NLRC5: variants seen among roughly 807,000 people sequenced by gnomAD.
The protein encoded by NLRC5 is protein NLRC5.
A neutral mutation model predicts 206.9 loss-of-function variants in NLRC5; 114 were observed. The ratio of observed to expected loss-of-function variants is 0.55; its 90% confidence interval spans 0.47 to 0.64. The LOEUF is 0.64. Ranked by LOEUF, NLRC5 falls within the 30% of genes least tolerant of loss-of-function variation. The probability of loss-of-function intolerance (pLI) is 0.00; values close to 1 mark genes in which losing one functional copy is unlikely to be tolerated. For missense variants in NLRC5, 2,008 were observed against 2,305.5 expected, an observed-to-expected ratio of 0.87 and a Z score of 2.64; for synonymous variants, 952 against 962.8, an observed-to-expected ratio of 0.99 and a Z score of 0.21.
rs1296615415 is a variant in NLRC5 at position 57,037,210 on chromosome 16, G to A, written c.2727G>A (p.Gly909=). 2 of 1,613,754 alleles carry A rather than the reference G, an allele frequency of 1.2e-6. No homozygotes were observed. The highest frequency in any genetic ancestry group is 3.3e-5 in the Admixed American group (2 of 60,018). The stretch of plus-strand genomic sequence containing the variant: ...CTCTCCACAGCCTCAGTAACAACGG[G>A]CTTTCTGTGGCCGGGGTGCATTGTG... ...IARKLDLSNN[G]LSVAGVHCVL... The change falls in exon 15 of 49, where the codon GGG becomes GGA. Residue 909 remains glycine, a synonymous_variant. Transcript: ENST00000688547.
chr16:57,006,304 T>C (rs2058892702), intron 1 of NLRC5, among the ~76,000 whole-genome samples: 1 of 151,980 alleles, frequency 6.6e-6, no homozygotes, highest in Non-Finnish European at 1.5e-5. Flanking sequence ...TATTTTTTCT[T>C]TACACAAAGG....
rs368949786 is a variant in NLRC5 at position 57,026,104 on chromosome 16, G to A, written c.1161G>A (p.Glu387=). ...TCTTCAGCGCCCAGCCATCGCGGGA[G>A]GGGGCCCTGGTGGAGTTACAGACAA... ...NHFFSAQPSR[E]GALVELQTNG... is the part of the protein sequence containing the mutation. Residue 387 remains glutamate, a synonymous_variant, in exon 6 of 49, where the codon GAG becomes GAA. Coordinates refer to ENST00000688547, the MANE Select transcript of NLRC5 (RefSeq NM_001384950.1). 2.1e-5 allele frequency: 34 copies of A among 1,614,128 alleles called. No individual in the cohort carries two copies. In the African/African-American group the frequency reaches 3.9e-4, roughly 18 times the overall value.
intron 35 of NLRC5, 115 bp downstream of exon 35, chr16:57,067,585 C>T: frequency 2.2e-6 from 3 of 1,371,678 alleles, no homozygotes; most frequent in Non-Finnish European, 3.1e-6. Context: ...GAAAATCACA[C>T]TTGGCCAGTG....
At chr16:57,068,270 A>G (rs1246391486) in intron 36 of NLRC5, among the ~76,000 whole-genome samples, 1 of 151,996 alleles carries the variant, frequency 6.6e-6, no homozygotes, top group Admixed American at 6.5e-5. Flanking sequence ...TCTCTACTAA[A>G]ATACAAAAAA....
In NLRC5 at chr16:57,060,065, C is replaced by G. The variant is rs118168009; in HGVS notation, c.3986+533C>G. Among the ~76,000 whole-genome samples, 479 of 147,058 alleles carry G rather than the reference C, an allele frequency of 3.3e-3. 1 individual carries two copies. The highest frequency in any genetic ancestry group is 0.016 in the South Asian group (75 of 4,726). ...TTATTATTATTATTATTATCATTAT[C>G]ATTACCCCTGGTAGCCCTGACTCAC... On this transcript the variant is annotated intron_variant, in intron 30 of 48. Transcript: ENST00000688547.
In NLRC5 at chr16:57,036,093, G is replaced by A. The variant is rs1205518967; in HGVS notation, c.2628-7G>A. On this transcript the variant is annotated splice_polypyrimidine_tract_variant and splice_region_variant and intron_variant, in intron 13 of 48. Transcript: ENST00000688547. Reference sequence around the variant, plus strand: ...CACAATACAGTGCATTGGGCCCCCCGTCTCAGCCTCTCAGGGAACCAGCTG... The same window carrying A: ...CACAATACAGTGCATTGGGCCCCCCATCTCAGCCTCTCAGGGAACCAGCTG... 12 of 1,492,484 alleles carry A rather than the reference G, an allele frequency of 8.0e-6. No homozygotes were observed. The highest frequency in any genetic ancestry group is 2.6e-5 in the African/African-American group (1 of 38,760). The allele number at this position is 1,492,484 out of a possible 1,614,324, so 92.5% of individuals were successfully genotyped here.
intron 1 of NLRC5, among the ~76,000 whole-genome samples, chr16:56,994,716 A>T (rs1360419637): frequency 2.6e-5 from 4 of 152,108 alleles, no homozygotes; most frequent in African/African-American, 9.7e-5. Context: ...AGAGGGAACC[A>T]GTCAGAGGGG....
chr16:57,005,519 GA>G (rs1567512932), intron 1 of NLRC5, among the ~76,000 whole-genome samples: 2 of 150,144 alleles, frequency 1.3e-5, no homozygotes, highest in Non-Finnish European at 3.0e-5. Context: ...AAAAGAGAAA[GA>G]AAAAAAGTGA....
chr16:57,070,006 G>A (rs1432464549), intron 37 of NLRC5, 87 bp downstream of exon 37: 2 of 1,061,910 alleles, frequency 1.9e-6, no homozygotes, highest in African/African-American at 3.1e-5. Flanking sequence ...GGGAGGGCAG[G>A]CAATGAGACT....
At chr16:57,023,931 T>A (rs979985410) in intron 5 of NLRC5, 78 bp downstream of exon 5, 12 of 1,333,982 alleles carry the variant, frequency 9.0e-6, no homozygotes, top group African/African-American at 1.5e-5. Flanking sequence ...CTGGACCTTG[T>A]CCCCTGCCAA....
At chr16:57,014,117 G>T in intron 1 of NLRC5, 1 of 187,534 alleles carries the variant, frequency 5.3e-6, no homozygotes, top group Non-Finnish European at 1.1e-5. Flanking sequence ...TCCACATGGC[G>T]AGGGAGGCCT....
At chr16:57,073,018 T>C (rs1332958043) in intron 38 of NLRC5, among the ~76,000 whole-genome samples, 3 of 152,176 alleles carry the variant, frequency 2.0e-5, no homozygotes, top group Non-Finnish European at 4.4e-5. Flanking sequence ...CCACTGTCCA[T>C]GTACCTGCAT....
chr16:57,072,978 TC>T (rs1187841712), intron 38 of NLRC5, among the ~76,000 whole-genome samples: 5 of 152,168 alleles, frequency 3.3e-5, no homozygotes, highest in African/African-American at 1.2e-4. Flanking sequence ...CACAGGGCCC[TC>T]CTGTCGTCTC....
intron 12 of NLRC5, 91 bp from the exon 13 acceptor site, chr16:57,034,077 G>C: frequency 9.6e-7 from 1 of 1,042,448 alleles, no homozygotes; most frequent in African/African-American, 1.6e-5. Flanking sequence ...AGGTCTGTGG[G>C]CCCCCTGACT....
At chr16:57,046,251 G>T (rs1263159890) in intron 21 of NLRC5, among the ~76,000 whole-genome samples, 2 of 152,224 alleles carry the variant, frequency 1.3e-5, no homozygotes, top group African/African-American at 2.4e-5. Flanking sequence ...GGTCAGAGAG[G>T]CTCTGTCTTG....
At chr16:57,069,659 C>T (rs1172385926) in intron 36 of NLRC5, 177 bp from the exon 37 acceptor site, 2 of 612,410 alleles carry the variant, frequency 3.3e-6, no homozygotes, top group African/African-American at 1.8e-5. Context: ...CTTCTGCTTC[C>T]AAGCTCTGTG....
intron 27 of NLRC5, among the ~76,000 whole-genome samples, chr16:57,057,063 T>C (rs2065771032): frequency 1.3e-5 from 2 of 152,204 alleles, no homozygotes; most frequent in South Asian, 4.1e-4. Flanking sequence ...ACATCAAAAA[T>C]GTCACAGACC....
intron 19 of NLRC5, among the ~76,000 whole-genome samples, chr16:57,042,811 A>G (rs1222999618): frequency 6.6e-6 from 1 of 152,184 alleles, no homozygotes; most frequent in Non-Finnish European, 1.5e-5. Flanking sequence ...GATCTCTGAA[A>G]TGAGTGCTGG....
At position 57,058,633 on chromosome 16, in the gene NLRC5, A is replaced by G. The variant is rs2066004520; in HGVS notation, c.3831-339A>G. The G allele has an allele frequency of 8.2e-6, 3 of 367,798 alleles. No homozygotes were observed. In the South Asian group the frequency reaches 9.9e-5, roughly 12 times the overall value. 22.8% of individuals were successfully genotyped at this position (367,798 alleles called of 1,614,324 possible). A position where few individuals can be genotyped will look rare whatever the true frequency, so the allele number is the denominator to read the frequency against. On this transcript the variant is annotated intron_variant, in intron 28 of 48. Transcript: ENST00000688547. ...TGCTGGAGTGACAGCCAGCTCCAGG[A>G]CACCACTTGTTGCTAGGCAACTGAG...
Sources: gnomAD v4.1 joint callset for allele counts (sites outside exome capture counted in the v4.1 genomes callset) on GRCh38, gnomAD v4.1.1 for gene constraint, MANE v1.5 for transcripts, NCBI Gene and HGNC (gene_info 2026-07-23, HGNC 2026-07-21) for gene names.